ACTL6A: variants seen among roughly 807,000 people sequenced by gnomAD.
The protein encoded by ACTL6A is actin like 6A.
Under a neutral mutation model 59.2 loss-of-function variants are expected in ACTL6A, and 5 were observed. The ratio of observed to expected loss-of-function variants is 0.08; its 90% CI spans 0.04 to 0.18. The LOEUF (loss-of-function observed/expected upper bound fraction) is 0.18, where lower values mean the gene tolerates loss of function less well. Ranked by LOEUF, ACTL6A falls within the 10% of genes least tolerant of loss-of-function variation. The pLI is 1.00. For missense variants in ACTL6A, 285 were observed against 526.9 expected, an observed-to-expected ratio of 0.54 and a Z score of 4.49; for synonymous variants, 154 against 171.8, an observed-to-expected ratio of 0.90 and a Z score of 0.81.
intron 13 of ACTL6A, chr3:179,586,833 T>C (rs927454336): frequency 7.7e-6 from 4 of 519,906 alleles, no homozygotes; most frequent in South Asian, 5.2e-5. Flanking sequence ...TTTGTCAGCC[T>C]AATTTCAATG....
intron 13 of ACTL6A, 56 bp downstream of exon 13, chr3:179,586,688 TAAAAATACAAAAA>T: frequency 7.3e-7 from 1 of 1,365,764 alleles, no homozygotes; most frequent in Non-Finnish European, 1.0e-6. Context: ...CTAAATTTAG[TAAAAATACAAAAA>T]ATAATTCCAG....
chr3:179,573,330 A>G, intron 3 of ACTL6A, 39 bp from the exon 4 acceptor site: 1 of 1,336,472 alleles, frequency 7.5e-7, no homozygotes, highest in Middle Eastern at 1.8e-4. Flanking sequence ...TTCATCTTCA[A>G]CTATGCATTA....
chr3:179,571,828 A>G (rs1232748951), intron 3 of ACTL6A, among the ~76,000 whole-genome samples: 2 of 151,956 alleles, frequency 1.3e-5, no homozygotes, highest in Admixed American at 6.6e-5. Flanking sequence ...AGAACAAACC[A>G]CATTGTATAA....
rs1371495905 is a variant in ACTL6A at position 179,570,590 on chromosome 3, A to G, written c.277+349A>G. Among the ~76,000 whole-genome samples, 1 of 152,242 alleles carries G rather than the reference A, an allele frequency of 6.6e-6. No homozygotes were observed. The highest frequency in any genetic ancestry group is 6.5e-5 in the Admixed American group (1 of 15,290). On this transcript the variant is annotated intron_variant, in intron 3 of 13. Transcript: ENST00000429709. The surrounding 1 kb of genome is among the most constrained non-coding windows in gnomAD (Gnocchi z 4.3). ...TGATGGTTTTCACAAAGGAGGTAACATGATGAATCTTGATCAATGAGTAAG... is the reference window on the plus strand; with the variant it reads ...TGATGGTTTTCACAAAGGAGGTAACGTGATGAATCTTGATCAATGAGTAAG...
In ACTL6A at chr3:179,586,537, C is replaced by T. The variant is rs1243820217; in HGVS notation, c.1123-9C>T. 1 of 1,516,886 alleles carries T rather than the reference C, an allele frequency of 6.6e-7. No individual in the cohort carries two copies. The highest frequency in any genetic ancestry group is 1.2e-5 in the South Asian group (1 of 80,822). 94.0% of individuals were successfully genotyped at this position (1,516,886 alleles called of 1,614,324 possible). ...TTTGATTGTACTAATGCATATTCTTCTATTTCAGAGTATGCGGTTGAAATT... is the reference window on the plus strand; with the variant it reads ...TTTGATTGTACTAATGCATATTCTTTTATTTCAGAGTATGCGGTTGAAATT... On this transcript the variant is annotated splice_polypyrimidine_tract_variant and intron_variant, in intron 12 of 13. Transcript: ENST00000429709.
intron 1 of ACTL6A, among the ~76,000 whole-genome samples, chr3:179,568,088 G>A (rs1349569124): frequency 6.7e-6 from 1 of 149,290 alleles, no homozygotes; most frequent in Non-Finnish European, 1.5e-5. Context: ...AGGAAAATCT[G>A]TTGAACCTGG....
rs1184281897 is a variant in ACTL6A at position 179,570,025 on chromosome 3, A to G, written c.103-42A>G. On this transcript the variant is annotated intron_variant, in intron 2 of 13. Transcript: ENST00000429709. This position sits in a 1 kb window ranked among gnomAD's most constrained non-coding sequence, Gnocchi z 4.3. Reference sequence around the variant, plus strand: ...TAATTGGGGAAAAAATGCCTTCTTGATGAAAGGTGAAACTTGTATGTCATG... The same window carrying G: ...TAATTGGGGAAAAAATGCCTTCTTGGTGAAAGGTGAAACTTGTATGTCATG... 4.4e-6 allele frequency: 7 copies of G among 1,593,746 alleles called. No homozygotes were observed. The highest frequency in any genetic ancestry group is 4.1e-5 in the African/African-American group (3 of 73,758).
rs1450661903 is a variant in ACTL6A at position 179,588,014 on chromosome 3, A to C, written c.*4A>C. The C allele has an allele frequency of 6.3e-7, 1 of 1,593,400 alleles. No individual in the cohort carries two copies. The highest frequency in any genetic ancestry group is 1.4e-5 in the African/African-American group (1 of 73,476). ...TGTAGAAAGAAAATGCCCTTGAGAA[A>C]GAGTTCCCAAGCTTCTACCTTCCTT... On this transcript the variant is annotated 3_prime_UTR_variant, in exon 14 of 14. Coordinates refer to ENST00000429709, the MANE Select transcript of ACTL6A (RefSeq NM_004301.5).
At chr3:179,580,770 A>C (rs1368565913) in intron 9 of ACTL6A, 69 bp downstream of exon 9, 2 of 1,394,246 alleles carry the variant, frequency 1.4e-6, no homozygotes, top group East Asian at 2.4e-5. Flanking sequence ...TACTTAATTG[A>C]ATAATGTTTA....
intron 3 of ACTL6A, among the ~76,000 whole-genome samples, chr3:179,573,003 A>C (rs1159134014): frequency 1.4e-5 from 2 of 148,114 alleles, no homozygotes; most frequent in African/African-American, 4.9e-5. Flanking sequence ...TTTTTTATAA[A>C]TCCAGCAGTA....
At chr3:179,579,459 C>T (rs964422505) in intron 8 of ACTL6A, among the ~76,000 whole-genome samples, 18 of 146,820 alleles carry the variant, frequency 1.2e-4, no homozygotes, top group Middle Eastern at 3.4e-3. Flanking sequence ...ATCATATACA[C>T]ACACACACAC....
At chr3:179,571,159 A>G (rs1321451693) in intron 3 of ACTL6A, among the ~76,000 whole-genome samples, 2 of 152,096 alleles carry the variant, frequency 1.3e-5, no homozygotes, top group African/African-American at 4.8e-5. Context: ...GCTCGCGCCT[A>G]TATAATCCCA....
At chr3:179,579,402 T>C (rs1718264112) in intron 8 of ACTL6A, among the ~76,000 whole-genome samples, 1 of 151,992 alleles carries the variant, frequency 6.6e-6, no homozygotes, top group Non-Finnish European at 1.5e-5. Flanking sequence ...TAATTTACTA[T>C]GAGAGGGATC....
At chr3:179,574,328 T>C (rs772732745) in intron 4 of ACTL6A, 42 bp from the exon 5 acceptor site, 9 of 1,317,330 alleles carry the variant, frequency 6.8e-6, no homozygotes, top group Non-Finnish European at 8.8e-6. Flanking sequence ...ATCAACTTTT[T>C]AATTCTTAAT....
chr3:179,574,414 T>G lies in ACTL6A; in HGVS notation c.423T>G (p.Phe141Leu), dbSNP rs991355275. The G allele has an allele frequency of 5.0e-6, 8 of 1,613,412 alleles. No homozygotes were observed. The highest frequency in any genetic ancestry group is 1.3e-5 in the African/African-American group (1 of 74,900). ...AKREKLTELM[F>L]EHYNIPAFFL... Reference sequence around the variant, plus strand: ...GAGAGAAACTGACAGAGTTAATGTTTGAACACTACAACATCCCTGCCTTCT... The same window carrying G: ...GAGAGAAACTGACAGAGTTAATGTTGGAACACTACAACATCCCTGCCTTCT... Residue 141 changes from phenylalanine (F) to leucine (L), a missense_variant, in exon 5 of 14, where the codon TTT becomes TTG. Physicochemically the swap from Phe to Leu is conservative, Grantham distance 22 (BLOSUM62 0). Coordinates refer to ENST00000429709, the MANE Select transcript of ACTL6A (RefSeq NM_004301.5).
intron 3 of ACTL6A, among the ~76,000 whole-genome samples, chr3:179,572,361 C>T (rs1215584858): frequency 1.3e-5 from 2 of 152,060 alleles, no homozygotes; most frequent in East Asian, 3.9e-4. Flanking sequence ...TAAAAAAATC[C>T]AGGTGGGCCT....
intron 13 of ACTL6A, 61 bp from the exon 14 acceptor site, chr3:179,587,869 T>C (rs1171587856): frequency 6.7e-7 from 1 of 1,487,492 alleles, no homozygotes; most frequent in African/African-American, 1.5e-5. Context: ...AAAAAAAATT[T>C]TTTAAGCCAT....
chr3:179,575,277 C>T, intron 5 of ACTL6A: 1 of 414,842 alleles, frequency 2.4e-6, no homozygotes, highest in Non-Finnish European at 4.8e-6. Flanking sequence ...GCTTCTTGGT[C>T]TTCCCACATG....
rs1293614653 is a variant in ACTL6A, at chr3:179,570,098, T to C, written c.134T>C (p.Val45Ala). 1.2e-6 allele frequency: 2 copies of C among 1,614,092 alleles called. No individual in the cohort carries two copies. Among genetic ancestry groups the C allele is most frequent in the East Asian group, 4.5e-5 (2 of 44,878 alleles). The change falls in exon 3 of 14, where the codon GTA (valine) becomes GCA (alanine). Residue 45 changes from valine (V) to alanine (A), a missense_variant. Transcript: ENST00000429709. The surrounding 1 kb of genome is among the most constrained non-coding windows in gnomAD (Gnocchi z 4.3). ...TTTCCTACAGCTATTGGTATGGTGG[T>C]AGAAAGAGATGACGGAAGCACATTA... ...VDFPTAIGMV[V>A]ERDDGSTLME...
Sources: allele counts gnomAD v4.1 joint callset (sites outside exome capture counted in the v4.1 genomes callset), GRCh38; gene constraint gnomAD v4.1.1; non-coding constraint Gnocchi (gnomAD v3.1); transcripts MANE v1.5; gene names NCBI Gene and HGNC (gene_info 2026-07-23, HGNC 2026-07-21).